Variants in POLN observed in about 807,000 individuals in gnomAD.
The protein encoded by POLN is DNA polymerase N.
In POLN, 108 loss-of-function variants were observed where a neutral mutation model predicts 113.5. The ratio of observed to expected loss-of-function variants is 0.95; its 90% CI spans 0.81 to 1.12. POLN has a LOEUF of 1.12. POLN is among the 50% of genes most tolerant of loss of function. The probability of loss-of-function intolerance (pLI) is 0.00; values close to 1 mark genes in which losing one functional copy is unlikely to be tolerated. For synonymous variants in POLN, 386 were observed against 391.5 expected (o/e 0.99, Z 0.17); for missense variants, 1,097 against 1,077.1 (o/e 1.02, Z -0.26).
Position 2,173,998 on chromosome 4 carries a change from T to C in POLN, c.1331A>G (p.Gln444Arg). Reference protein sequence around the residue: ...ILAVMESHAIQVNKEEMEKTS... With the variant: ...ILAVMESHAIRVNKEEMEKTS... Reference sequence around the variant, plus strand: ...CTTCTCCATCTCCTCTTTGTTCACCTGAATGGCATGGCTTTCCATCACTGT... The same window carrying C: ...CTTCTCCATCTCCTCTTTGTTCACCCGAATGGCATGGCTTTCCATCACTGT... The change falls in exon 11 of 26, where the codon CAG becomes CGG. Residue 444 changes from glutamine (Q) to arginine (R), a missense_variant. Gln to Arg is a conservative substitution (Grantham distance 43). Coordinates refer to ENST00000511885, the MANE Select transcript of POLN (RefSeq NM_181808.4). The C allele has an allele frequency of 6.2e-7, 1 of 1,614,234 alleles. No individual in the cohort carries two copies. The highest frequency in any genetic ancestry group is 8.5e-7 in the Non-Finnish European group (1 of 1,180,026).
Position 2,198,637 on chromosome 4 carries a change from C to T in POLN, c.795G>A (p.Pro265=), listed in dbSNP as rs778509301. 6.8e-6 allele frequency: 11 copies of T among 1,613,684 alleles called. No individual in the cohort carries two copies. The highest frequency in any genetic ancestry group is 4.0e-5 in the African/African-American group (3 of 74,830). ...AEGGHGCPDA[P]ACGPVLEGFV... is the part of the protein sequence containing the mutation. ...AGCCCTCCAGAACAGGACCACAGGC[C>T]GGGGCATCTGGACAGCCATGGCCAC... Residue 265 remains proline, a synonymous_variant, in exon 6 of 26, where the codon CCG becomes CCA. Transcript: ENST00000511885.
At chr4:2,174,810 T>G in intron 9 of POLN, 59 bp from the exon 10 acceptor site, 1 of 1,322,274 alleles carries the variant, frequency 7.6e-7, no homozygotes, top group Non-Finnish European at 1.1e-6. Context: ...ATCTGCATTT[T>G]GTTGAAAAGC....
intron 7 of POLN, among the ~76,000 whole-genome samples, chr4:2,185,543 C>T (rs765088465): frequency 1.3e-5 from 2 of 152,148 alleles, no homozygotes; most frequent in African/African-American, 2.4e-5. Flanking sequence ...GTCAGGAGTT[C>T]GAGACCAGCC....
At chr4:2,174,313 C>T (rs1316379466) in intron 10 of POLN, among the ~76,000 whole-genome samples, 1 of 152,238 alleles carries the variant, frequency 6.6e-6, no homozygotes, top group African/African-American at 2.4e-5. Context: ...CCATCAGGAC[C>T]TGCGGTCAAA....
chr4:2,180,948 T>C (rs1733124846), intron 7 of POLN, among the ~76,000 whole-genome samples: 1 of 151,966 alleles, frequency 6.6e-6, no homozygotes, highest in Non-Finnish European at 1.5e-5. Flanking sequence ...CCGAATAATA[T>C]ACTTAGAAAT....
At chr4:2,239,903 A>G in intron 2 of POLN, 1 of 688,020 alleles carries the variant, frequency 1.5e-6, no homozygotes. Flanking sequence ...CAGATCACAA[A>G]TAAGCACTGA....
chr4:2,111,384 G>A lies in POLN; in HGVS notation c.1983-15451C>T, dbSNP rs1460111282. 7.2e-5 allele frequency among the ~76,000 whole-genome samples: 11 copies of A among 152,044 alleles called. No homozygotes were observed. The South Asian group carries it at 1.9e-3, about 26-fold the overall frequency. On this transcript the variant is annotated intron_variant, in intron 19 of 25. Transcript: ENST00000511885. The stretch of plus-strand genomic sequence containing the variant: ...TATTCAACATAGTGTTGGAAGTTCT[G>A]GCCAGGGCAATCAGGCAGGAGAAGG...
intron 21 of POLN, chr4:2,082,671 G>C (rs1326804421): frequency 6.6e-6 from 1 of 152,282 alleles, no homozygotes; most frequent in African/African-American, 2.4e-5. Context: ...ACAAGGGATC[G>C]AGTACCTACT....
At chr4:2,194,866 C>G (rs896709857) in intron 6 of POLN, among the ~76,000 whole-genome samples, 1 of 151,834 alleles carries the variant, frequency 6.6e-6, no homozygotes, top group African/African-American at 2.4e-5. Flanking sequence ...CCACTGCACT[C>G]CAACCTGGGC....
intron 13 of POLN, among the ~76,000 whole-genome samples, chr4:2,165,783 CT>C (rs567412240): frequency 3.4e-4 from 50 of 146,784 alleles, no homozygotes; most frequent in South Asian, 4.4e-4. Flanking sequence ...AAAAAATAGT[CT>C]TTTTTTTTTT....
At chr4:2,235,879 T>G (rs1052778513) in intron 2 of POLN, among the ~76,000 whole-genome samples, 10 of 152,176 alleles carry the variant, frequency 6.6e-5, no homozygotes, top group Non-Finnish European at 1.5e-5. Flanking sequence ...CATGTACCAT[T>G]AAGTGTACAC....
At chr4:2,219,235 G>A (rs753563872) in intron 3 of POLN, among the ~76,000 whole-genome samples, 1 of 152,138 alleles carries the variant, frequency 6.6e-6, no homozygotes, top group Non-Finnish European at 1.5e-5. Context: ...CGCCTCTGAC[G>A]GAGAAACCAT....
chr4:2,211,011 G>A (rs1017157363), intron 4 of POLN, among the ~76,000 whole-genome samples: 2 of 150,770 alleles, frequency 1.3e-5, no homozygotes, highest in Non-Finnish European at 3.0e-5. Context: ...AACATTTTGG[G>A]GGGCTGAGGC....
intron 13 of POLN, among the ~76,000 whole-genome samples, chr4:2,169,690 G>A (rs1357542240): frequency 6.6e-6 from 1 of 152,224 alleles, no homozygotes; most frequent in African/African-American, 2.4e-5. Flanking sequence ...ATGTTTTCAT[G>A]TTGTCCAAAC....
chr4:2,181,252 A>C (rs7680421), intron 7 of POLN, among the ~76,000 whole-genome samples: 37,475 of 151,966 alleles, frequency 0.25, 7,131 homozygotes, highest in African/African-American at 0.51. Context: ...TCAAGTGATT[A>C]TCCTGCCTCA....
At position 2,157,887 on chromosome 4, in the gene POLN, C is replaced by G; in HGVS notation, c.1636G>C (p.Val546Leu). ...TTCATGCAAGCTAGTAATCCATCTA[C>G]AAAGGTTGACTTGATCTTGTGAACC... is the stretch of plus-strand genomic sequence containing the variant. ...RQVHKIKSTFVDGLLACMKKG... is the reference protein window; with the variant it reads ...RQVHKIKSTFLDGLLACMKKG... The change falls in exon 15 of 26, where the codon GTA becomes CTA. Residue 546 changes from valine to leucine, a missense_variant. Val to Leu is a conservative substitution (Grantham distance 32). Transcript: ENST00000511885. 6.2e-7 allele frequency: 1 copy of G among 1,608,250 alleles called. No individual in the cohort carries two copies. Among genetic ancestry groups the G allele is most frequent in the Non-Finnish European group, 8.5e-7 (1 of 1,175,540 alleles).
chr4:2,104,985 G>C (rs770338041), intron 19 of POLN, among the ~76,000 whole-genome samples: 2 of 152,184 alleles, frequency 1.3e-5, no homozygotes, highest in African/African-American at 2.4e-5. Context: ...TGCAGCCCAA[G>C]AGCAATCACG....
At chr4:2,196,103 GAATA>G (rs1189773730) in intron 6 of POLN, among the ~76,000 whole-genome samples, 2 of 152,130 alleles carry the variant, frequency 1.3e-5, no homozygotes. Context: ...GAAAAATCAT[GAATA>G]ATTATCTGAA....
chr4:2,182,787 CAAATAACA>C (rs1472961557), intron 7 of POLN, among the ~76,000 whole-genome samples: 2 of 148,046 alleles, frequency 1.4e-5, no homozygotes, highest in Non-Finnish European at 3.0e-5. Context: ...ACCAAAAACA[CAAATAACA>C]AAAGAAAACA....
Sources: allele counts gnomAD v4.1 joint callset (sites outside exome capture counted in the v4.1 genomes callset), GRCh38; gene constraint gnomAD v4.1.1; transcripts MANE v1.5; gene names NCBI Gene and HGNC (gene_info 2026-07-23, HGNC 2026-07-21).